Variants in ZNF740 observed in about 807,000 individuals in gnomAD.
The protein encoded by ZNF740 is oriLyt TD-element-binding protein 7.
In ZNF740, 14 loss-of-function variants were observed where a neutral mutation model predicts 24.8. That is an observed-to-expected ratio of 0.56 (90% CI 0.37 to 0.88). The LOEUF (loss-of-function observed/expected upper bound fraction) is 0.88. ZNF740 is among the 40% of genes least tolerant of loss of function. ZNF740 has a pLI of 0.00. For missense variants in ZNF740, 201 were observed against 247.9 expected, an observed-to-expected ratio of 0.81 and a Z score of 1.27; for synonymous variants, 69 against 84.0, an observed-to-expected ratio of 0.82 and a Z score of 0.98.
intron 2 of ZNF740, among the ~76,000 whole-genome samples, chr12:53,184,575 C>T (rs1941786641): frequency 6.6e-6 from 1 of 152,166 alleles, no homozygotes; most frequent in Non-Finnish European, 1.5e-5. Flanking sequence ...CATACCCACT[C>T]ACAGTTAAGG....
In ZNF740 at chr12:53,194,693, A is replaced by G. The variant is rs1490164110; in HGVS notation, c.*7103A>G. ...CATGCCAGGTCTAAAGGGCAGATTC[A>G]TTACAGAGTTTATCTTGGGAAATTT... is the stretch of plus-strand genomic sequence containing the variant. On this transcript the variant is annotated 3_prime_UTR_variant, in exon 7 of 7. Transcript: ENST00000416904. 1.9e-5 allele frequency: 4 copies of G among 211,864 alleles called. No homozygotes were observed. Among genetic ancestry groups the G allele is most frequent in the Non-Finnish European group, 2.9e-5 (3 of 104,200 alleles). The allele number at this position is 211,864 out of a possible 1,614,324, so 13.1% of individuals were successfully genotyped here. A position where few individuals can be genotyped will look rare whatever the true frequency, so the allele number is the denominator to read the frequency against.
chr12:53,189,355 A>G lies in ZNF740; in HGVS notation c.*1765A>G, dbSNP rs1462264729. ...TGAACCTGAGTGCCAAGCTGTCAGT[A>G]GGGTCTGAGATGGGAAACTCCTGAA... On this transcript the variant is annotated 3_prime_UTR_variant, in exon 7 of 7. Coordinates refer to ENST00000416904, the MANE Select transcript of ZNF740 (RefSeq NM_001004304.4). 6.6e-6 allele frequency: 1 copy of G among 150,626 alleles called. No homozygotes were observed. The highest frequency in any genetic ancestry group is 2.0e-4 in the East Asian group (1 of 5,086). 9.3% of individuals were successfully genotyped at this position (150,626 alleles called of 1,614,324 possible).
Position 53,193,301 on chromosome 12 carries a change from T to A in ZNF740, c.*5711T>A. The A allele has an allele frequency of 6.2e-7, 1 of 1,612,008 alleles. No individual in the cohort carries two copies. The highest frequency in any genetic ancestry group is 8.5e-7 in the Non-Finnish European group (1 of 1,178,494). On this transcript the variant is annotated 3_prime_UTR_variant, in exon 7 of 7. Transcript: ENST00000416904. ...GGGAGCCCGGCACCCAGATTCCAGGTCTGGGGAGGACAGCTCTGCCACAGA... is the reference window on the plus strand; with the variant it reads ...GGGAGCCCGGCACCCAGATTCCAGGACTGGGGAGGACAGCTCTGCCACAGA...
Position 53,185,484 on chromosome 12 carries a change from A to G in ZNF740, c.249+8A>G. 6.2e-7 allele frequency: 1 copy of G among 1,613,054 alleles called. No homozygotes were observed. The highest frequency in any genetic ancestry group is 8.5e-7 in the Non-Finnish European group (1 of 1,179,332). The stretch of plus-strand genomic sequence containing the variant: ...AAAAAGACTGTTAAAAAGGCAGGTA[A>G]TGGGGTGATCCCCCAAACTCATACA... On this transcript the variant is annotated splice_region_variant and intron_variant, in intron 4 of 6. Transcript: ENST00000416904.
intron 2 of ZNF740, among the ~76,000 whole-genome samples, chr12:53,184,114 G>GGGGTGTGTGTGTGTGT (rs1555175868): frequency 3.2e-5 from 4 of 123,508 alleles, no homozygotes; most frequent in African/African-American, 7.0e-5. Context: ...GAAGCTAAGG[G>GGGGTGTGTGTGTGTGT]GTGTGTGTGT....
chr12:53,180,809 G>C lies in ZNF740; in HGVS notation c.-336G>C. On this transcript the variant is annotated 5_prime_UTR_variant, in exon 1 of 7. Transcript: ENST00000416904. ...GCCTGGAGGAGGCGCCGCGCGGCCA[G>C]GGAGCCAGCGGGAGGCCGCGCCTGG... 1.6e-6 allele frequency: 2 copies of C among 1,272,086 alleles called. No individual in the cohort carries two copies. The highest frequency in any genetic ancestry group is 2.0e-6 in the Non-Finnish European group (2 of 982,194). The allele number at this position is 1,272,086 out of a possible 1,614,324, so 78.8% of individuals were successfully genotyped here. A position where few individuals can be genotyped will look rare whatever the true frequency, so the allele number is the denominator to read the frequency against.
rs1195793004 is a variant in ZNF740 at position 53,194,788 on chromosome 12, G to A, written c.*7198G>A. The A allele has an allele frequency of 5.7e-6, 1 of 176,170 alleles. No individual in the cohort carries two copies. The highest frequency in any genetic ancestry group is 1.5e-4 in the East Asian group (1 of 6,878). The allele number at this position is 176,170 out of a possible 1,614,324, so 10.9% of individuals were successfully genotyped here. Reference sequence around the variant, plus strand: ...CTGTTATCAAGAAGCCTACAGCCTAGTTGCAGAGGTAAGACCTAAACCACT... The same window carrying A: ...CTGTTATCAAGAAGCCTACAGCCTAATTGCAGAGGTAAGACCTAAACCACT... On this transcript the variant is annotated 3_prime_UTR_variant, in exon 7 of 7. Transcript: ENST00000416904.
chr12:53,192,613 C>T lies in ZNF740; in HGVS notation c.*5023C>T, dbSNP rs1235375545. On this transcript the variant is annotated 3_prime_UTR_variant, in exon 7 of 7. Coordinates refer to ENST00000416904, the MANE Select transcript of ZNF740 (RefSeq NM_001004304.4). ...GCCCCTTGCCCAACTACAAGCAGGACGGAGAGTAGGCAGATGGGAGTAGCT... is the reference window on the plus strand; with the variant it reads ...GCCCCTTGCCCAACTACAAGCAGGATGGAGAGTAGGCAGATGGGAGTAGCT... The T allele has an allele frequency of 1.3e-5, 20 of 1,597,382 alleles. No homozygotes were observed. The highest frequency in any genetic ancestry group is 6.7e-5 in the East Asian group (3 of 44,708).
At position 53,191,751 on chromosome 12, in the gene ZNF740, G is replaced by C. The variant is rs2120383058; in HGVS notation, c.*4161G>C. The C allele has an allele frequency of 3.9e-6, 6 of 1,529,504 alleles. No homozygotes were observed. Among genetic ancestry groups the C allele is most frequent in the Non-Finnish European group, 5.4e-6 (6 of 1,105,198 alleles). The allele number at this position is 1,529,504 out of a possible 1,614,324, so 94.7% of individuals were successfully genotyped here. On this transcript the variant is annotated 3_prime_UTR_variant, in exon 7 of 7. Transcript: ENST00000416904. ...TAGGAGCTGATGGAAGTTAGCAGAG[G>C]GGTTGGTTACATGTGCCAGGGGCTG...
At position 53,191,445 on chromosome 12, in the gene ZNF740, C is replaced by T. The variant is rs1349251318; in HGVS notation, c.*3855C>T. 6 of 860,544 alleles carry T rather than the reference C, an allele frequency of 7.0e-6. No individual in the cohort carries two copies. The highest frequency in any genetic ancestry group is 1.8e-5 in the Admixed American group (1 of 56,718). 53.3% of individuals were successfully genotyped at this position (860,544 alleles called of 1,614,324 possible). On this transcript the variant is annotated 3_prime_UTR_variant, in exon 7 of 7. Transcript: ENST00000416904. ...ATGAAGTAGGGTGGTGGCCGCACCTCGCCAGTGAATTAGTCCCCTACCAAG... is the reference window on the plus strand; with the variant it reads ...ATGAAGTAGGGTGGTGGCCGCACCTTGCCAGTGAATTAGTCCCCTACCAAG...
At position 53,185,992 on chromosome 12, in the gene ZNF740, G is replaced by A; in HGVS notation, c.288G>A (p.Lys96=). Reference sequence around the variant, plus strand: ...AACAAAATGGTTCTTTTCAAGTAAAGATTCCCAAAAATTTTGTTTGTGAAC... The same window carrying A: ...AACAAAATGGTTCTTTTCAAGTAAAAATTCCCAAAAATTTTGTTTGTGAAC... ...VVEQNGSFQV[K]IPKNFVCEHC... Residue 96 remains lysine (K), a synonymous_variant, in exon 5 of 7, where the codon AAG becomes AAA. Transcript: ENST00000416904. 6.2e-7 allele frequency: 1 copy of A among 1,613,746 alleles called. No homozygotes were observed. Among genetic ancestry groups the A allele is most frequent in the South Asian group, 1.1e-5 (1 of 91,034 alleles).
In ZNF740 at chr12:53,192,339, G is replaced by T. The variant is rs757545073; in HGVS notation, c.*4749G>T. The T allele has an allele frequency of 5.6e-6, 9 of 1,613,846 alleles. No homozygotes were observed. The highest frequency in any genetic ancestry group is 6.8e-6 in the Non-Finnish European group (8 of 1,180,020). ...ATCCCTGCCCACTTACTTTCTTGGGGTCTCACTCTGAGCACGACCGTGCCT... is the reference window on the plus strand; with the variant it reads ...ATCCCTGCCCACTTACTTTCTTGGGTTCTCACTCTGAGCACGACCGTGCCT... On this transcript the variant is annotated 3_prime_UTR_variant, in exon 7 of 7. Transcript: ENST00000416904.
rs1941994487 is a variant in ZNF740, at chr12:53,192,553, C to G, written c.*4963C>G. The G allele has an allele frequency of 6.2e-7, 1 of 1,612,428 alleles. No individual in the cohort carries two copies. Among genetic ancestry groups the G allele is most frequent in the Non-Finnish European group, 8.5e-7 (1 of 1,178,970 alleles). On this transcript the variant is annotated 3_prime_UTR_variant, in exon 7 of 7. Coordinates refer to ENST00000416904, the MANE Select transcript of ZNF740 (RefSeq NM_001004304.4). Reference sequence around the variant, plus strand: ...CTGCACAGTCCCTGTGTAGTAGATGCCAATAGGTTACCAGCTGGGCAGTTG... The same window carrying G: ...CTGCACAGTCCCTGTGTAGTAGATGGCAATAGGTTACCAGCTGGGCAGTTG...
Position 53,185,463 on chromosome 12 carries a change from A to C in ZNF740, c.236A>C (p.Lys79Thr), listed in dbSNP as rs1183352779. ...TTGTCTGAGGCCTCTCATTCAAAAA[A>C]GACTGTTAAAAAGGCAGGTAATGGG... ...DSLSEASHSK[K>T]TVKKVVVVEQ... The change falls in exon 4 of 7, where the codon AAG becomes ACG. Residue 79 changes from lysine to threonine, a missense_variant. Coordinates refer to ENST00000416904, the MANE Select transcript of ZNF740 (RefSeq NM_001004304.4). 1 of 1,613,968 alleles carries C rather than the reference A, an allele frequency of 6.2e-7. No homozygotes were observed. The highest frequency in any genetic ancestry group is 8.5e-7 in the Non-Finnish European group (1 of 1,179,876).
At chr12:53,184,148 T>TGTGTGTGTGTGTGTGC (rs1555175893) in intron 2 of ZNF740, among the ~76,000 whole-genome samples, 1 of 100,296 alleles carries the variant, frequency 1.0e-5, no homozygotes, top group East Asian at 2.9e-4. Context: ...TGTGTGTGTG[T>TGTGTGTGTGTGTGTGC]GTGCGCGCGC....
Position 53,187,591 on chromosome 12 carries a change from G to A in ZNF740, c.*1G>A, listed in dbSNP as rs945438221. ...TTCCGACGGGCAGTTTTCTCTATAG[G>A]CGCAAGGGGCCCCGGGTGGTGGGAG... On this transcript the variant is annotated 3_prime_UTR_variant, in exon 7 of 7. Transcript: ENST00000416904. 6 of 1,613,626 alleles carry A rather than the reference G, an allele frequency of 3.7e-6. No homozygotes were observed. Among genetic ancestry groups the A allele is most frequent in the African/African-American group, 1.3e-5 (1 of 74,900 alleles).
rs886672076 is a variant in ZNF740, at chr12:53,188,287, G to T, written c.*697G>T. The T allele has an allele frequency of 1.6e-4, 24 of 152,878 alleles. No individual in the cohort carries two copies. The highest frequency in any genetic ancestry group is 5.5e-4 in the African/African-American group (23 of 41,590). 9.5% of individuals were successfully genotyped at this position (152,878 alleles called of 1,614,324 possible). On this transcript the variant is annotated 3_prime_UTR_variant, in exon 7 of 7. Coordinates refer to ENST00000416904, the MANE Select transcript of ZNF740 (RefSeq NM_001004304.4). The stretch of plus-strand genomic sequence containing the variant: ...CACCTCTTCCTTCCTCAAGGGAAAA[G>T]GAAGAGTTGTGCCAGTGGGTGTTGT...
In ZNF740 at chr12:53,190,139, C is replaced by T. The variant is rs939828714; in HGVS notation, c.*2549C>T. ...GAGCAGGTGGTTGGTTCAGTTCCCG[C>T]GCTGATGTCTGGGGCAGTGCATGTG... On this transcript the variant is annotated 3_prime_UTR_variant, in exon 7 of 7. Transcript: ENST00000416904. 2.0e-5 allele frequency: 3 copies of T among 152,378 alleles called. No individual in the cohort carries two copies. Among genetic ancestry groups the T allele is most frequent in the African/African-American group, 4.8e-5 (2 of 41,432 alleles). 9.4% of individuals were successfully genotyped at this position (152,378 alleles called of 1,614,324 possible).
rs1326964003 is a variant in ZNF740, at chr12:53,187,548, AG to A, written c.543del (p.Cys182AlafsTer73). The A allele has an allele frequency of 6.2e-7, 1 of 1,613,980 alleles. No individual in the cohort carries two copies. Among genetic ancestry groups the A allele is most frequent in the African/African-American group, 1.3e-5 (1 of 75,018 alleles). On this transcript the variant is annotated frameshift_variant, in exon 7 of 7. Transcript: ENST00000416904. LOFTEE classifies it high-confidence loss of function. ...TACTCAGACACAAACGGATGTGCCA[AG>A]GGTGCCAGTCCAAGACTTCCGACGG... ...RLLRHKRMCQ[G>X]CQSKTSDGQF...
Sources: gnomAD v4.1 joint callset for allele counts (sites outside exome capture counted in the v4.1 genomes callset) on GRCh38, gnomAD v4.1.1 for gene constraint, MANE v1.5 for transcripts, NCBI Gene and HGNC (gene_info 2026-07-23, HGNC 2026-07-21) for gene names.